The following MCTP1 variants were observed in gnomAD, a reference collection of about 807,000 sequenced individuals.
MCTP1 encodes the protein multiple C2 and transmembrane domain containing 1, also known as multiple C2 and transmembrane domain-containing protein 1.
A neutral mutation model predicts 120.6 loss-of-function variants in MCTP1; 69 were observed. That is an observed-to-expected ratio of 0.57 (90% confidence interval 0.47 to 0.70). MCTP1 has a LOEUF of 0.70. Ranked by LOEUF, MCTP1 falls within the 30% of genes least tolerant of loss-of-function variation. The pLI, the probability that MCTP1 is intolerant of heterozygous loss-of-function variation, is 0.00. For synonymous variants in MCTP1, 529 were observed against 493.1 expected, an observed-to-expected ratio of 1.07 and a Z score of -0.96; for missense variants, 1,203 against 1,248.8, an observed-to-expected ratio of 0.96 and a Z score of 0.55.
At chr5:94,958,273 G>T (rs1045120499) in intron 2 of MCTP1, among the ~76,000 whole-genome samples, 1 of 152,202 alleles carries the variant, frequency 6.6e-6, no homozygotes, top group Non-Finnish European at 1.5e-5. Flanking sequence ...AAAGCAGTGT[G>T]TAGAGGGAAA....
At chr5:94,821,806 C>T (rs1471357429) in intron 17 of MCTP1, among the ~76,000 whole-genome samples, 1 of 152,174 alleles carries the variant, frequency 6.6e-6, no homozygotes, top group Non-Finnish European at 1.5e-5. Flanking sequence ...GTGGGCCTCA[C>T]ATCCCCTGGA....
chr5:94,719,629 G>A (rs1053140500), intron 19 of MCTP1, among the ~76,000 whole-genome samples: 2 of 152,154 alleles, frequency 1.3e-5, no homozygotes, highest in African/African-American at 4.8e-5. Context: ...AGAACATATA[G>A]ACAAAGGGAG....
chr5:94,860,946 T>C (rs1348392049), intron 17 of MCTP1, among the ~76,000 whole-genome samples: 1 of 151,838 alleles, frequency 6.6e-6, no homozygotes, highest in East Asian at 1.9e-4. Flanking sequence ...TAAAATATTT[T>C]ATTCCTGTCC....
chr5:94,923,540 G>C (rs1812239487), intron 7 of MCTP1, among the ~76,000 whole-genome samples: 1 of 152,096 alleles, frequency 6.6e-6, no homozygotes, highest in Non-Finnish European at 1.5e-5. Context: ...ATATATCTAG[G>C]ACAGAGTTAT....
chr5:95,271,137 T>G (rs1759359337), intron 1 of MCTP1, among the ~76,000 whole-genome samples: 1 of 152,154 alleles, frequency 6.6e-6, no homozygotes, highest in African/African-American at 2.4e-5. Flanking sequence ...AAGAATAGAT[T>G]TTAAAATATG....
chr5:94,875,745 A>C (rs1798728764), intron 12 of MCTP1, among the ~76,000 whole-genome samples: 2 of 150,784 alleles, frequency 1.3e-5, no homozygotes, highest in South Asian at 4.2e-4. Flanking sequence ...TAGCCAAGTC[A>C]GTTCTTTTTT....
chr5:95,264,223 T>C (rs1758702805), intron 1 of MCTP1, among the ~76,000 whole-genome samples: 1 of 152,210 alleles, frequency 6.6e-6, no homozygotes, highest in Non-Finnish European at 1.5e-5. Context: ...TTGCTAAAAT[T>C]CTAGGACTTC....
chr5:94,982,550 G>C (rs1015958471), intron 2 of MCTP1, among the ~76,000 whole-genome samples: 2 of 151,680 alleles, frequency 1.3e-5, no homozygotes, highest in African/African-American at 4.8e-5. Flanking sequence ...TACTTATATG[G>C]CAAAAGGGAT....
In MCTP1 at chr5:95,061,737, G is replaced by C. The variant is rs73140012; in HGVS notation, c.721-44253C>G. On this transcript the variant is annotated intron_variant, in intron 1 of 22. Coordinates refer to ENST00000515393, the MANE Select transcript of MCTP1 (RefSeq NM_024717.7). ...GGCGTGAGCCACCGCGCCCGGCCAAGGGTTGTTTTTAATAACTAATATTTA... is the reference window on the plus strand; with the variant it reads ...GGCGTGAGCCACCGCGCCCGGCCAACGGTTGTTTTTAATAACTAATATTTA... 8.7e-3 allele frequency among the ~76,000 whole-genome samples: 1,321 copies of C among 152,044 alleles called. 20 individuals are homozygous for C. The highest frequency in any genetic ancestry group is 0.03 in the African/African-American group (1,238 of 41,438).
intron 1 of MCTP1, among the ~76,000 whole-genome samples, chr5:95,195,659 T>C (rs960142584): frequency 1.3e-5 from 2 of 152,084 alleles, no homozygotes; most frequent in Non-Finnish European, 2.9e-5. Flanking sequence ...GCCGAGTTGA[T>C]AGAGCGCTAA....
intron 18 of MCTP1, among the ~76,000 whole-genome samples, chr5:94,782,283 C>G (rs778454045): frequency 1.3e-5 from 2 of 152,078 alleles, no homozygotes; most frequent in Non-Finnish European, 2.9e-5. Flanking sequence ...ATTCTGTGCT[C>G]TTAATGACAC....
At chr5:95,255,750 A>T (rs2152706739) in intron 1 of MCTP1, among the ~76,000 whole-genome samples, 1 of 152,308 alleles carries the variant, frequency 6.6e-6, no homozygotes, top group South Asian at 2.1e-4. Flanking sequence ...GCAGAGTGTC[A>T]GAGAACCAGG....
chr5:94,926,226 T>C (rs1341071593), intron 6 of MCTP1, among the ~76,000 whole-genome samples: 1 of 152,202 alleles, frequency 6.6e-6, no homozygotes, highest in Non-Finnish European at 1.5e-5. Context: ...TAACACATAC[T>C]ATTACAAACT....
At chr5:95,274,769 G>A (rs1479010907) in intron 1 of MCTP1, among the ~76,000 whole-genome samples, 6 of 151,840 alleles carry the variant, frequency 4.0e-5, no homozygotes, top group East Asian at 1.9e-4. Flanking sequence ...GACTACAGGC[G>A]CCCACCACCA....
At chr5:94,948,570 A>T (rs959758544) in intron 3 of MCTP1, among the ~76,000 whole-genome samples, 3 of 152,176 alleles carry the variant, frequency 2.0e-5, no homozygotes, top group Non-Finnish European at 4.4e-5. Flanking sequence ...TACTATGAAT[A>T]CCTTGGTTTG....
intron 17 of MCTP1, among the ~76,000 whole-genome samples, chr5:94,814,396 C>T (rs1784067651): frequency 1.3e-5 from 2 of 152,110 alleles, no homozygotes; most frequent in South Asian, 4.1e-4. Context: ...TGACACTATC[C>T]ACATGATGAT....
chr5:95,153,282 G>A (rs926761125), intron 1 of MCTP1, among the ~76,000 whole-genome samples: 18 of 152,004 alleles, frequency 1.2e-4, no homozygotes, highest in South Asian at 1.0e-3. Flanking sequence ...CTTCCCTTTC[G>A]CCCTCCTCCA....
At chr5:95,258,773 C>A (rs1758152985) in intron 1 of MCTP1, among the ~76,000 whole-genome samples, 1 of 152,074 alleles carries the variant, frequency 6.6e-6, no homozygotes, top group South Asian at 2.1e-4. Context: ...TTAAATGATG[C>A]TCAATTGGTA....
intron 17 of MCTP1, among the ~76,000 whole-genome samples, chr5:94,824,521 G>C (rs888749248): frequency 3.9e-4 from 59 of 152,184 alleles, no homozygotes; most frequent in African/African-American, 1.4e-3. Flanking sequence ...TCTCTGCCAG[G>C]TTTTGGTATC....
Sources: allele counts gnomAD v4.1 joint callset (sites outside exome capture counted in the v4.1 genomes callset), GRCh38; gene constraint gnomAD v4.1.1; transcripts MANE v1.5; gene names NCBI Gene and HGNC (gene_info 2026-07-23, HGNC 2026-07-21).